Variants in CDH13 observed in about 807,000 individuals in gnomAD.
CDH13 encodes cadherin 13.
CDH13 carries 24 observed loss-of-function variants against 63.8 expected under a neutral mutation model. The observed-to-expected ratio is 0.38, with a 90% CI of 0.27 to 0.53. CDH13 has a LOEUF of 0.53. Ranked by LOEUF, CDH13 falls within the 20% of genes least tolerant of loss-of-function variation. The probability of loss-of-function intolerance (pLI) is 0.85; values close to 1 mark genes in which losing one functional copy is unlikely to be tolerated. For missense variants in CDH13, 1,049 were observed against 903.1 expected (o/e 1.16, Z -2.07); for synonymous variants, 503 against 355.3 (o/e 1.42, Z -4.67).
rs1456605493 is a variant in CDH13 at position 83,336,216 on chromosome 16, G to A, written c.637-8646G>A. ...CTCAGGAGGCTGAGACAGGAGAATC[G>A]CTTGAACCTGGGAGGCAGAGATTGC... On this transcript the variant is annotated intron_variant, in intron 5 of 13. Coordinates refer to ENST00000567109, the MANE Select transcript of CDH13 (RefSeq NM_001257.5). 3.3e-5 allele frequency among the ~76,000 whole-genome samples: 5 copies of A among 150,198 alleles called. No homozygotes were observed. In the Admixed American group the frequency reaches 3.3e-4, roughly 10 times the overall value.
chr16:82,821,513 T>C (rs958991101), intron 1 of CDH13, among the ~76,000 whole-genome samples: 3 of 152,144 alleles, frequency 2.0e-5, no homozygotes, highest in Non-Finnish European at 4.4e-5. Flanking sequence ...CTTCTTTCCA[T>C]AATTGGTTAG....
chr16:82,949,684 T>A (rs1905096021), intron 2 of CDH13, among the ~76,000 whole-genome samples: 1 of 152,220 alleles, frequency 6.6e-6, no homozygotes, highest in African/African-American at 2.4e-5. Context: ...GAAAACTTTT[T>A]TTTTATAGCA....
chr16:83,581,147 A>C (rs1338647695), intron 7 of CDH13, among the ~76,000 whole-genome samples: 1 of 152,214 alleles, frequency 6.6e-6, no homozygotes, highest in Non-Finnish European at 1.5e-5. Context: ...TCTTTTACAA[A>C]AATCATTACT....
chr16:83,227,132 C>A (rs2039864668), intron 5 of CDH13, among the ~76,000 whole-genome samples: 2 of 152,144 alleles, frequency 1.3e-5, no homozygotes, highest in African/African-American at 2.4e-5. Flanking sequence ...AAGTGAAGGC[C>A]AGAAGCTAAT....
intron 10 of CDH13, among the ~76,000 whole-genome samples, chr16:83,702,579 G>A (rs1212831123): frequency 1.3e-5 from 2 of 152,138 alleles, no homozygotes; most frequent in Non-Finnish European, 2.9e-5. Flanking sequence ...AAACTGAGAA[G>A]TTCAGCCCGC....
intron 1 of CDH13, among the ~76,000 whole-genome samples, chr16:82,845,802 C>G (rs1046053028): frequency 3.3e-5 from 5 of 152,168 alleles, no homozygotes; most frequent in Non-Finnish European, 7.4e-5. Flanking sequence ...TACCACCAAC[C>G]CTGAGCAGGC....
At chr16:82,705,245 G>A (rs747347279) in intron 1 of CDH13, 9 of 444,538 alleles carry the variant, frequency 2.0e-5, no homozygotes, top group Middle Eastern at 3.3e-4. Flanking sequence ...GACAAGGTGC[G>A]GCTGCACTTC....
intron 7 of CDH13, among the ~76,000 whole-genome samples, chr16:83,518,567 G>T (rs562426033): frequency 6.6e-6 from 1 of 151,246 alleles, no homozygotes; most frequent in South Asian, 2.1e-4. Flanking sequence ...CCGCCTCCCG[G>T]GTTCACGGCA....
intron 2 of CDH13, among the ~76,000 whole-genome samples, chr16:82,911,380 A>C (rs1306020848): frequency 6.6e-6 from 1 of 152,084 alleles, no homozygotes; most frequent in African/African-American, 2.4e-5. Context: ...TCATCACAAA[A>C]CTGCAAAGGC....
At chr16:83,389,977 C>T (rs2091754171) in intron 6 of CDH13, among the ~76,000 whole-genome samples, 1 of 152,174 alleles carries the variant, frequency 6.6e-6, no homozygotes, top group Non-Finnish European at 1.5e-5. Flanking sequence ...TATAGTCATT[C>T]AGTGATAAGA....
chr16:83,042,777 G>C (rs1917439477), intron 3 of CDH13, among the ~76,000 whole-genome samples: 1 of 152,178 alleles, frequency 6.6e-6, no homozygotes, highest in South Asian at 2.1e-4. Context: ...GAGTGACATG[G>C]AATCTGTTGA....
chr16:83,042,438 A>G (rs957020509), intron 3 of CDH13, among the ~76,000 whole-genome samples: 2 of 152,162 alleles, frequency 1.3e-5, no homozygotes, highest in East Asian at 3.9e-4. Context: ...ACTGTCTCCC[A>G]TCACCCCGAG....
chr16:83,036,257 C>T (rs369942910), intron 3 of CDH13, among the ~76,000 whole-genome samples: 1 of 149,348 alleles, frequency 6.7e-6, no homozygotes, highest in Admixed American at 6.8e-5. Flanking sequence ...TCAAGTGATT[C>T]TCCTGCCTCA....
rs181698958 is a variant in CDH13 at position 82,638,071 on chromosome 16, C to T, written c.45+10934C>T. On this transcript the variant is annotated intron_variant, in intron 1 of 13. Transcript: ENST00000567109. ...TTGAAGGGAGAAGAGGCTGCTGTGCCTTCCTTTGCTCCTTTGCTTCCTTTC... is the reference window on the plus strand; with the variant it reads ...TTGAAGGGAGAAGAGGCTGCTGTGCTTTCCTTTGCTCCTTTGCTTCCTTTC... Among the ~76,000 whole-genome samples the T allele has an allele frequency of 9.2e-3, 1,406 of 152,316 alleles. 22 individuals carry two copies. Among genetic ancestry groups the T allele is most frequent in the African/African-American group, 0.032 (1,351 of 41,574 alleles).
At chr16:83,105,212 G>T (rs9927709) in intron 3 of CDH13, among the ~76,000 whole-genome samples, 1 of 152,096 alleles carries the variant, frequency 6.6e-6, no homozygotes, top group Non-Finnish European at 1.5e-5. Flanking sequence ...CAGGATCACC[G>T]TAAGATTCTA....
intron 10 of CDH13, among the ~76,000 whole-genome samples, chr16:83,740,917 G>A (rs1311473903): frequency 6.6e-6 from 1 of 152,258 alleles, no homozygotes; most frequent in Non-Finnish European, 1.5e-5. Flanking sequence ...AGAAAGGCCA[G>A]TGAGTCTGTA....
chr16:83,254,959 C>T (rs1355628446), intron 5 of CDH13, among the ~76,000 whole-genome samples: 2 of 3,562 alleles, frequency 5.6e-4, no homozygotes, highest in East Asian at 0.062. Context: ...CTCTTTCTTT[C>T]TTTCTTTCTT....
chr16:83,505,262 C>G (rs1204773634), intron 7 of CDH13, among the ~76,000 whole-genome samples: 1 of 152,200 alleles, frequency 6.6e-6, no homozygotes, highest in African/African-American at 2.4e-5. Flanking sequence ...TGTCATAATG[C>G]CTAGCGGGCG....
intron 7 of CDH13, among the ~76,000 whole-genome samples, chr16:83,600,442 A>G (rs1396050189): frequency 6.6e-6 from 1 of 152,218 alleles, no homozygotes; most frequent in Non-Finnish European, 1.5e-5. Context: ...AGGAACAGCA[A>G]TGAATGGTGT....
Sources: gnomAD v4.1 joint callset for allele counts (sites outside exome capture counted in the v4.1 genomes callset) on GRCh38, gnomAD v4.1.1 for gene constraint, MANE v1.5 for transcripts, NCBI Gene and HGNC (gene_info 2026-07-23, HGNC 2026-07-21) for gene names.